The following CLK4 variants were observed in gnomAD, a reference collection of about 807,000 sequenced individuals.
The protein encoded by CLK4 is dual specificity protein kinase CLK4.
CLK4 carries 37 observed loss-of-function variants against 64.4 expected under a neutral mutation model. The observed-to-expected ratio is 0.57, with a 90% CI of 0.44 to 0.76. The LOEUF is 0.76. CLK4 is among the 30% of genes least tolerant of loss of function. The pLI is 0.00. For missense variants in CLK4, 457 were observed against 605.1 expected (o/e 0.76, Z 2.57); for synonymous variants, 175 against 191.6 (o/e 0.91, Z 0.72).
intron 1 of CLK4, among the ~76,000 whole-genome samples, chr5:178,625,782 G>A (rs1159823500): frequency 1.3e-5 from 2 of 152,132 alleles, no homozygotes; most frequent in Non-Finnish European, 2.9e-5. Context: ...TTCTTCTCAA[G>A]TTCACTACTT....
At chr5:178,624,663 T>C (rs902785434) in intron 1 of CLK4, among the ~76,000 whole-genome samples, 16 of 152,150 alleles carry the variant, frequency 1.1e-4, no homozygotes, top group African/African-American at 3.1e-4. Flanking sequence ...AGGGTGAGTT[T>C]AAATGGTAAA....
intron 1 of CLK4, among the ~76,000 whole-genome samples, chr5:178,626,261 A>C (rs1233160052): frequency 6.6e-6 from 1 of 152,170 alleles, no homozygotes; most frequent in Non-Finnish European, 1.5e-5. Flanking sequence ...TTTCCTAAGG[A>C]TCGGATAAGC....
At chr5:178,623,169 ATT>A in intron 2 of CLK4, 85 bp downstream of exon 2, 1 of 1,262,978 alleles carries the variant, frequency 7.9e-7, no homozygotes, top group South Asian at 1.3e-5. Flanking sequence ...TTATAAAACA[ATT>A]TGACAGATGA....
At chr5:178,606,622 C>T (rs1764470613) in intron 10 of CLK4, among the ~76,000 whole-genome samples, 1 of 152,154 alleles carries the variant, frequency 6.6e-6, no homozygotes, top group African/African-American at 2.4e-5. Flanking sequence ...CATACCATGA[C>T]CCTATTTAAA....
chr5:178,609,756 T>TAA (rs1554204040), intron 9 of CLK4, among the ~76,000 whole-genome samples: 3 of 132,970 alleles, frequency 2.3e-5, no homozygotes, highest in African/African-American at 5.7e-5. Context: ...TATATATATA[T>TAA]AAATTAGTTG....
rs753721245 is a variant in CLK4 at position 178,613,752 on chromosome 5, T to A, written c.634A>T (p.Asn212Tyr). The A allele has an allele frequency of 6.2e-7, 1 of 1,613,996 alleles. No individual in the cohort carries two copies. The highest frequency in any genetic ancestry group is 2.2e-5 in the East Asian group (1 of 44,862). The change falls in exon 6 of 13, where the codon AAT becomes TAT. Residue 212 changes from asparagine (N) to tyrosine (Y), a missense_variant. By Grantham distance (143) the Asn-to-Tyr change is moderately radical (BLOSUM62 -2). Transcript: ENST00000316308. ...RSEIQVLEHL[N>Y]STDPNSVFRC... ...AAGACACTATTGGGATCAGTACTAT[T>A]TAAGTGCTCTAATACTTGGATTTCT...
chr5:178,603,984 T>A (rs1259552054), intron 11 of CLK4, 50 bp from the exon 12 acceptor site: 3 of 1,391,818 alleles, frequency 2.2e-6, no homozygotes, highest in East Asian at 2.3e-5. Context: ...AAGAGTCGTA[T>A]CTTTACCCTG....
At chr5:178,612,916 T>C in intron 7 of CLK4, 26 bp from the exon 8 acceptor site, 1 of 1,180,850 alleles carries the variant, frequency 8.5e-7, no homozygotes. Context: ...AGCACATTAT[T>C]AGTTTCACTT....
chr5:178,624,626 A>G (rs921593023), intron 1 of CLK4, among the ~76,000 whole-genome samples: 7 of 152,234 alleles, frequency 4.6e-5, no homozygotes, highest in Non-Finnish European at 5.9e-5. Context: ...GTTAAGTTTT[A>G]ACAGTCAGGT....
At chr5:178,623,197 A>G in intron 2 of CLK4, 59 bp downstream of exon 2, 1 of 1,469,948 alleles carries the variant, frequency 6.8e-7, no homozygotes, top group African/African-American at 1.4e-5. Context: ...ATATAAGCAA[A>G]TGACAAATCA....
At position 178,612,578 on chromosome 5, in the gene CLK4, CA is replaced by C. The variant is rs764878312; in HGVS notation, c.922-34del. On this transcript the variant is annotated intron_variant, in intron 8 of 12. Transcript: ENST00000316308. ...GACACAGTTGAGTAAACATGAAACT[CA>C]ATAGATACATTTTATAGCGCTACTC... 3 of 1,604,886 alleles carry C rather than the reference CA, an allele frequency of 1.9e-6. No individual in the cohort carries two copies. In the African/African-American group the frequency reaches 4.0e-5, roughly 21 times the overall value.
intron 10 of CLK4, among the ~76,000 whole-genome samples, chr5:178,607,567 A>G (rs1479858226): frequency 1.6e-5 from 2 of 128,004 alleles, no homozygotes; most frequent in African/African-American, 5.9e-5. Flanking sequence ...GCTGGAGTGC[A>G]GTGGCATGAT....
At chr5:178,611,313 T>C (rs991848667) in intron 9 of CLK4, among the ~76,000 whole-genome samples, 8 of 152,184 alleles carry the variant, frequency 5.3e-5, no homozygotes, top group Admixed American at 2.6e-4. Context: ...TCCTTTCAAT[T>C]TGTACTACGC....
intron 1 of CLK4, 120 bp from the exon 2 acceptor site, chr5:178,623,536 A>C: frequency 1.3e-6 from 1 of 799,502 alleles, no homozygotes; most frequent in Non-Finnish European, 1.7e-6. Flanking sequence ...AGGCTCCAAA[A>C]TCTTTTTAGG....
intron 9 of CLK4, among the ~76,000 whole-genome samples, chr5:178,610,674 T>A (rs755972552): frequency 2.0e-5 from 3 of 152,020 alleles, no homozygotes; most frequent in Non-Finnish European, 2.9e-5. Flanking sequence ...CCCAGCACTT[T>A]GGGAGGCCAA....
intron 1 of CLK4, among the ~76,000 whole-genome samples, chr5:178,625,422 C>CAA (rs58734641): frequency 1.2e-4 from 14 of 121,518 alleles, no homozygotes; most frequent in South Asian, 5.5e-4. Flanking sequence ...GACCCTGTCT[C>CAA]AAAAAAAAAA....
chr5:178,621,971 G>C (rs1379424220), intron 2 of CLK4: 1 of 152,014 alleles, frequency 6.6e-6, no homozygotes, highest in East Asian at 1.9e-4. Flanking sequence ...AGAATATTCT[G>C]GATCATGGTA....
At chr5:178,622,016 C>G (rs986364875) in intron 2 of CLK4, 2 of 152,120 alleles carry the variant, frequency 1.3e-5, no homozygotes, top group African/African-American at 4.8e-5. Context: ...GTACAAATAT[C>G]AAAGCAGGCA....
At chr5:178,619,995 AC>A in intron 2 of CLK4, 1 of 410,914 alleles carries the variant, frequency 2.4e-6, no homozygotes. Flanking sequence ...GCCCTCACCA[AC>A]CCCTTTCCTT....
Sources: allele counts gnomAD v4.1 joint callset (sites outside exome capture counted in the v4.1 genomes callset), GRCh38; gene constraint gnomAD v4.1.1; transcripts MANE v1.5; gene names NCBI Gene and HGNC (gene_info 2026-07-23, HGNC 2026-07-21).